The following FRMD3 variants were observed in gnomAD, a reference collection of about 807,000 sequenced individuals.
FRMD3 encodes the protein FERM domain containing 3, also known as FERM domain-containing protein 3.
In FRMD3, 33 loss-of-function variants were observed where a neutral mutation model predicts 70.2. That is an observed-to-expected ratio of 0.47 (90% CI 0.36 to 0.63). FRMD3 has a LOEUF of 0.63. Among genes scored for constraint, FRMD3 ranks in the 20% least tolerant of loss-of-function variants. The pLI is 0.00. For missense variants in FRMD3, 632 were observed against 711.4 expected (o/e 0.89, Z 1.27); for synonymous variants, 279 against 255.9 (o/e 1.09, Z -0.86).
At chr9:83,350,181 A>T (rs976746141) in intron 3 of FRMD3, among the ~76,000 whole-genome samples, 9 of 152,164 alleles carry the variant, frequency 5.9e-5, no homozygotes, top group Non-Finnish European at 1.0e-4. Flanking sequence ...GGAAAAAAAA[A>T]TGTCACTGCA....
chr9:83,550,210 T>G, the FRMD3 span, among the ~76,000 whole-genome samples: 245 of 152,066 alleles, frequency 1.6e-3, 2 homozygotes, highest in African/African-American at 5.7e-3. Flanking sequence ...ATAGGAAGTC[T>G]TTTCCCCATT....
At chr9:83,316,837 T>C (rs1272462376) in intron 6 of FRMD3, among the ~76,000 whole-genome samples, 1 of 152,090 alleles carries the variant, frequency 6.6e-6, no homozygotes, top group African/African-American at 2.4e-5. Flanking sequence ...CATATGGTAT[T>C]TCTCTCTCCA....
intron 1 of FRMD3, among the ~76,000 whole-genome samples, chr9:83,507,697 T>TAC (rs1564109232): frequency 2.1e-5 from 1 of 47,992 alleles, no homozygotes; most frequent in Non-Finnish European, 3.8e-5. Flanking sequence ...CATACATATA[T>TAC]ATATATATAT....
chr9:83,389,416 C>T (rs889370176), intron 2 of FRMD3, among the ~76,000 whole-genome samples, 188 bp downstream of exon 2: 1 of 152,158 alleles, frequency 6.6e-6, no homozygotes, highest in Middle Eastern at 3.2e-3. Flanking sequence ...CCTAGGGTAA[C>T]TTTTCCCTTC....
At position 83,465,459 on chromosome 9, in the gene FRMD3, C is replaced by G. The variant is rs528092808; in HGVS notation, c.147+72626G>C. On this transcript the variant is annotated intron_variant, in intron 1 of 13. Transcript: ENST00000304195. ...AATAAATAAATAACAAAACTCCAGT[C>G]CCCCTTCTTTCCTTCCTCTGTCTTC... 5.9e-5 allele frequency among the ~76,000 whole-genome samples: 9 copies of G among 152,306 alleles called. No homozygotes were observed. The South Asian group carries it at 1.2e-3, about 21-fold the overall frequency.
the FRMD3 span, among the ~76,000 whole-genome samples, chr9:83,562,869 C>G: frequency 6.6e-6 from 1 of 151,546 alleles, no homozygotes; most frequent in Non-Finnish European, 1.5e-5. Context: ...GGACAGAAAC[C>G]ATGTCTGGTT....
the FRMD3 span, among the ~76,000 whole-genome samples, chr9:83,584,075 C>A: frequency 6.6e-6 from 1 of 152,152 alleles, no homozygotes; most frequent in Non-Finnish European, 1.5e-5. Context: ...GTGGCTCATG[C>A]CTGTAATCCC....
intron 13 of FRMD3, among the ~76,000 whole-genome samples, chr9:83,282,942 CA>C (rs1376221554): frequency 6.6e-6 from 1 of 152,060 alleles, no homozygotes; most frequent in East Asian, 1.9e-4. Context: ...AGCTTCCTTA[CA>C]ACACAGTAAA....
Position 83,465,375 on chromosome 9 carries a change from A to G in FRMD3, c.147+72710T>C, listed in dbSNP as rs1587880775. Among the ~76,000 whole-genome samples, 4 of 152,246 alleles carry G rather than the reference A, an allele frequency of 2.6e-5. No individual in the cohort carries two copies. In the Middle Eastern group the frequency reaches 0.014, roughly 518 times the overall value. ...GAGGCCGAGGCAGGAGGATCACTTG[A>G]GCCCAGGAGTTTGAGACCAGCTTGG... On this transcript the variant is annotated intron_variant, in intron 1 of 13. Transcript: ENST00000304195.
At chr9:83,322,540 T>C (rs901447545) in intron 6 of FRMD3, among the ~76,000 whole-genome samples, 3 of 152,180 alleles carry the variant, frequency 2.0e-5, no homozygotes, top group Admixed American at 1.3e-4. Context: ...CTCTCCAGTA[T>C]CTAGGCTCTC....
intron 2 of FRMD3, among the ~76,000 whole-genome samples, chr9:83,379,287 C>T (rs898708853): frequency 1.3e-5 from 2 of 152,114 alleles, no homozygotes; most frequent in Non-Finnish European, 2.9e-5. Context: ...GAAAAAATAA[C>T]CACCATGATG....
At chr9:83,473,042 C>T (rs998044869) in intron 1 of FRMD3, among the ~76,000 whole-genome samples, 7 of 152,182 alleles carry the variant, frequency 4.6e-5, no homozygotes, top group African/African-American at 1.2e-4. Flanking sequence ...CCCCTTCCAA[C>T]GCTTTCTGCA....
chr9:83,369,941 CATG>C (rs761027673), intron 3 of FRMD3, among the ~76,000 whole-genome samples: 13 of 152,164 alleles, frequency 8.5e-5, no homozygotes, highest in Non-Finnish European at 1.6e-4. Flanking sequence ...AAAACACAAA[CATG>C]ATTTTTTTTT....
intron 13 of FRMD3, among the ~76,000 whole-genome samples, chr9:83,278,126 A>C (rs1833853320): frequency 6.6e-6 from 1 of 152,164 alleles, no homozygotes; most frequent in African/African-American, 2.4e-5. Context: ...GCTAAAACTT[A>C]AAGAAAAGAA....
chr9:83,270,924 T>C (rs1268163225), intron 13 of FRMD3, among the ~76,000 whole-genome samples: 1 of 152,098 alleles, frequency 6.6e-6, no homozygotes, highest in Non-Finnish European at 1.5e-5. Context: ...CTCTTCCTTC[T>C]GTCAACCATA....
chr9:83,312,762 C>T (rs946142139), intron 7 of FRMD3, among the ~76,000 whole-genome samples: 7 of 151,350 alleles, frequency 4.6e-5, no homozygotes, highest in East Asian at 2.0e-4. Context: ...CGCCGCCCTG[C>T]GCCCCGCCCC....
At chr9:83,540,200 G>A (rs1444838243), upstream of FRMD3, among the ~76,000 whole-genome samples, 1 of 152,130 alleles carries the variant, frequency 6.6e-6, no homozygotes, top group Non-Finnish European at 1.5e-5. Flanking sequence ...GTTGAAAACT[G>A]GATCATCTCT....
At chr9:83,568,181 C>T in the FRMD3 span, among the ~76,000 whole-genome samples, 7 of 152,198 alleles carry the variant, frequency 4.6e-5, no homozygotes, top group African/African-American at 1.7e-4. Flanking sequence ...CCTGATAAAC[C>T]CACCAGATCT....
At position 83,343,899 on chromosome 9, in the gene FRMD3, G is replaced by A. The variant is rs573131239; in HGVS notation, c.375-612C>T. Among the ~76,000 whole-genome samples the A allele has an allele frequency of 1.1e-4, 16 of 152,334 alleles. No homozygotes were observed. In the South Asian group the frequency reaches 1.2e-3, roughly 12 times the overall value. On this transcript the variant is annotated intron_variant, in intron 4 of 13. Transcript: ENST00000304195. ...CCAGGCACACAGTGGCCTGTGACAC[G>A]GGCAAGTCACCTGTGCTGGTGCAAG...
Sources: allele counts gnomAD v4.1 joint callset (sites outside exome capture counted in the v4.1 genomes callset), GRCh38; gene constraint gnomAD v4.1.1; transcripts MANE v1.5; gene names NCBI Gene and HGNC (gene_info 2026-07-23, HGNC 2026-07-21).